The following FBXL17 variants were observed in gnomAD, a reference collection of about 807,000 sequenced individuals.
FBXL17 encodes the protein F-box/LRR-repeat protein 17.
Under a neutral mutation model 66.2 loss-of-function variants are expected in FBXL17, and 22 were observed. The observed-to-expected ratio is 0.33, with a 90% CI of 0.24 to 0.47. The LOEUF (loss-of-function observed/expected upper bound fraction) is 0.47, where lower values mean the gene tolerates loss of function less well. Ranked by LOEUF, FBXL17 falls within the 20% of genes least tolerant of loss-of-function variation. FBXL17 has a pLI of 1.00. For synonymous variants in FBXL17, 474 were observed against 400.5 expected (o/e 1.18, Z -2.19); for missense variants, 878 against 948.2 (o/e 0.93, Z 0.97).
chr5:108,333,145 C>T lies in FBXL17; in HGVS notation c.1506+15254G>A, dbSNP rs901072792. 5.0e-3 allele frequency among the ~76,000 whole-genome samples: 327 copies of T among 65,336 alleles called. 1 individual carries two copies. The highest frequency in any genetic ancestry group is 0.028 in the African/African-American group (294 of 10,654). 42.9% of individuals were successfully genotyped at this position (65,336 alleles called of 152,430 possible). A position where few individuals can be genotyped will look rare whatever the true frequency, so the allele number is the denominator to read the frequency against. ...TTTTGCTTAAGTCAAACCAGAAATA[C>T]CAGTATATATATATATATATATACA... On this transcript the variant is annotated intron_variant, in intron 4 of 8. Coordinates refer to ENST00000542267, the MANE Select transcript of FBXL17 (RefSeq NM_001163315.3).
chr5:108,282,371 T>C lies in FBXL17; in HGVS notation c.1507-58143A>G, dbSNP rs539471094. ...GCAAGGATGGTTCAACATTTGCAAA[T>C]CAATAAATGTGATGTATCATATAAA... is the stretch of plus-strand genomic sequence containing the variant. On this transcript the variant is annotated intron_variant, in intron 4 of 8. Transcript: ENST00000542267. Among the ~76,000 whole-genome samples the C allele has an allele frequency of 1.1e-3, 170 of 151,906 alleles. 2 individuals are homozygous for C. The highest frequency in any genetic ancestry group is 3.4e-3 in the Middle Eastern group (1 of 294).
At chr5:108,219,097 G>A (rs1754736492) in intron 5 of FBXL17, among the ~76,000 whole-genome samples, 1 of 152,138 alleles carries the variant, frequency 6.6e-6, no homozygotes, top group African/African-American at 2.4e-5. Context: ...AGATAGTGAT[G>A]TTCAATTTTC....
chr5:107,988,476 G>A (rs1317948987), intron 7 of FBXL17, among the ~76,000 whole-genome samples: 1 of 151,928 alleles, frequency 6.6e-6, no homozygotes, highest in Non-Finnish European at 1.5e-5. Flanking sequence ...TATATAGGCT[G>A]CTACAAGTAG....
chr5:107,975,031 CG>C (rs1752525269), intron 7 of FBXL17, among the ~76,000 whole-genome samples: 1 of 152,076 alleles, frequency 6.6e-6, no homozygotes, highest in African/African-American at 2.4e-5. Flanking sequence ...CTGCCCTAGA[CG>C]AGAGTCCTAA....
chr5:107,899,087 CA>C (rs1329198297), intron 7 of FBXL17, among the ~76,000 whole-genome samples: 2 of 152,204 alleles, frequency 1.3e-5, no homozygotes, highest in Non-Finnish European at 2.9e-5. Flanking sequence ...CTCCCACCAA[CA>C]GTGTAAAAGT....
chr5:107,988,127 T>C lies in FBXL17; in HGVS notation c.1822+32798A>G, dbSNP rs7724566. ...ATATTTCTCATTTTAAAAAATATAA[T>C]TAAAATAATAAAAATCAAGTGACGA... On this transcript the variant is annotated intron_variant, in intron 7 of 8. Transcript: ENST00000542267. Among the ~76,000 whole-genome samples, 396 of 152,058 alleles carry C rather than the reference T, an allele frequency of 2.6e-3. 1 individual carries two copies. Among genetic ancestry groups the C allele is most frequent in the African/African-American group, 7.8e-3 (323 of 41,532 alleles).
At chr5:107,981,748 C>A (rs1029681917) in intron 7 of FBXL17, among the ~76,000 whole-genome samples, 2 of 152,158 alleles carry the variant, frequency 1.3e-5, no homozygotes, top group South Asian at 4.1e-4. Context: ...GATATTCTTG[C>A]CAGCATGCGG....
At chr5:107,944,328 C>G (rs917557147) in intron 7 of FBXL17, among the ~76,000 whole-genome samples, 25 of 152,116 alleles carry the variant, frequency 1.6e-4, no homozygotes, top group African/African-American at 5.8e-4. Context: ...TTATTTATAT[C>G]AAGGTCAATT....
intron 6 of FBXL17, among the ~76,000 whole-genome samples, chr5:108,094,368 GA>G (rs963596636): frequency 8.5e-5 from 13 of 152,210 alleles, no homozygotes; most frequent in African/African-American, 2.9e-4. Flanking sequence ...GTATACAAAG[GA>G]GGGGTGACTA....
chr5:108,021,347 T>C (rs1035558507), intron 6 of FBXL17, among the ~76,000 whole-genome samples: 3 of 149,796 alleles, frequency 2.0e-5, no homozygotes, highest in Admixed American at 6.7e-5. Flanking sequence ...CTGTAGAATA[T>C]AGATAGATCG....
chr5:108,308,211 T>TA (rs1377026667), intron 4 of FBXL17, among the ~76,000 whole-genome samples: 1 of 152,100 alleles, frequency 6.6e-6, no homozygotes. Context: ...GTATTAATAG[T>TA]AAAAATAACA....
Position 107,999,433 on chromosome 5 carries a change from T to C in FBXL17, c.1822+21492A>G, listed in dbSNP as rs188897353. Among the ~76,000 whole-genome samples the C allele has an allele frequency of 1.2e-3, 177 of 145,208 alleles. 1 individual carries two copies. The highest frequency in any genetic ancestry group is 2.2e-3 in the Non-Finnish European group (149 of 67,262). On this transcript the variant is annotated intron_variant, in intron 7 of 8. Coordinates refer to ENST00000542267, the MANE Select transcript of FBXL17 (RefSeq NM_001163315.3). ...GATGCTTTTTTGAAATTTACTTTTT[T>C]TTTTTTACTTTTGTCAGAAACACAC...
At chr5:108,230,390 A>G (rs752245446) in intron 4 of FBXL17, among the ~76,000 whole-genome samples, 34 of 152,324 alleles carry the variant, frequency 2.2e-4, no homozygotes, top group Non-Finnish European at 4.3e-4. Context: ...TTTCTCAGCC[A>G]TAAAAGGCAA....
chr5:107,890,681 A>AC (rs35492193), intron 7 of FBXL17, among the ~76,000 whole-genome samples: 4 of 150,148 alleles, frequency 2.7e-5, no homozygotes, highest in African/African-American at 9.8e-5. Context: ...AAAAAAAAAA[A>AC]TTGTCTAACC....
intron 4 of FBXL17, among the ~76,000 whole-genome samples, chr5:108,309,764 G>A (rs1455949204): frequency 2.6e-5 from 4 of 152,010 alleles, no homozygotes; most frequent in Admixed American, 2.6e-4. Context: ...TTGGGTGGTG[G>A]AGTATGGGTA....
intron 4 of FBXL17, among the ~76,000 whole-genome samples, chr5:108,291,537 C>G (rs1044275174): frequency 6.6e-6 from 1 of 152,180 alleles, no homozygotes; most frequent in African/African-American, 2.4e-5. Flanking sequence ...GTTCTAAATT[C>G]TCCTTATTCT....
chr5:108,260,923 T>C (rs1409028518), intron 4 of FBXL17, among the ~76,000 whole-genome samples: 1 of 152,122 alleles, frequency 6.6e-6, no homozygotes, highest in South Asian at 2.1e-4. Context: ...TGTGTAGAGG[T>C]TGTATGTGCT....
At chr5:108,042,513 G>C (rs1057089935) in intron 6 of FBXL17, among the ~76,000 whole-genome samples, 1 of 150,350 alleles carries the variant, frequency 6.7e-6, no homozygotes, top group Non-Finnish European at 1.5e-5. Flanking sequence ...TAGAATCATA[G>C]AGTATATAAT....
intron 6 of FBXL17, among the ~76,000 whole-genome samples, chr5:108,080,788 GAA>G (rs1214433337): frequency 6.6e-6 from 1 of 152,036 alleles, no homozygotes; most frequent in Non-Finnish European, 1.5e-5. Context: ...GGAATCAGTA[GAA>G]AAGAGTATCT....
Sources: allele counts gnomAD v4.1 joint callset (sites outside exome capture counted in the v4.1 genomes callset), GRCh38; gene constraint gnomAD v4.1.1; transcripts MANE v1.5; gene names NCBI Gene and HGNC (gene_info 2026-07-23, HGNC 2026-07-21).